Variants in CLDN10 observed in about 807,000 individuals in gnomAD.
The protein encoded by CLDN10 is claudin 10, also known as claudin-10.
Under a neutral mutation model 22.9 loss-of-function variants are expected in CLDN10, and 15 were observed. That is an observed-to-expected ratio of 0.65 (90% CI 0.44 to 1.01). The LOEUF (loss-of-function observed/expected upper bound fraction) is 1.01, where lower values mean the gene tolerates loss of function less well. CLDN10 is among the 50% of genes least tolerant of loss of function. CLDN10 has a pLI of 0.00. For synonymous variants in CLDN10, 114 were observed against 111.4 expected (o/e 1.02, Z -0.15); for missense variants, 247 against 287.8 (o/e 0.86, Z 1.03).
chr13:95,556,039 C>T (rs1388284335), intron 1 of CLDN10, among the ~76,000 whole-genome samples: 1 of 151,812 alleles, frequency 6.6e-6, no homozygotes, highest in African/African-American at 2.4e-5. Context: ...GGTCATTATT[C>T]TGAATTTCTT....
chr13:95,445,723 A>G (rs556792419), intron 1 of CLDN10, among the ~76,000 whole-genome samples: 112 of 152,316 alleles, frequency 7.4e-4, no homozygotes, highest in Non-Finnish European at 1.3e-3. Context: ...AATTGTAGAG[A>G]GTGAGACAGA....
At chr13:95,450,773 C>T (rs1484931397) in intron 1 of CLDN10, among the ~76,000 whole-genome samples, 2 of 152,226 alleles carry the variant, frequency 1.3e-5, no homozygotes, top group Non-Finnish European at 1.5e-5. Flanking sequence ...CTGGGCTCAG[C>T]ATCTAGGCTC....
At chr13:95,439,472 TACAGGCACCCACCAGCAC>T (rs2042304535) in intron 1 of CLDN10, among the ~76,000 whole-genome samples, 1 of 152,112 alleles carries the variant, frequency 6.6e-6, no homozygotes, top group African/African-American at 2.4e-5. Context: ...TAGCGGGGAC[TACAGGCACCCACCAGCAC>T]ACCCAGCTAA....
chr13:95,517,017 TCCTTCCTC>T (rs1215592290), intron 1 of CLDN10, among the ~76,000 whole-genome samples: 2 of 106,218 alleles, frequency 1.9e-5, no homozygotes, highest in Non-Finnish European at 3.8e-5. Flanking sequence ...CTTCCTTCCT[TCCTTCCTC>T]CCTCCCTCTC....
At chr13:95,500,207 TGAAGTGGAGA>T (rs970791208) in intron 1 of CLDN10, among the ~76,000 whole-genome samples, 53 of 152,262 alleles carry the variant, frequency 3.5e-4, no homozygotes, top group African/African-American at 1.2e-3. Flanking sequence ...TCCATTCTAT[TGAAGTGGAGA>T]GACACACTCT....
intron 1 of CLDN10, among the ~76,000 whole-genome samples, chr13:95,533,112 A>G (rs2043363029): frequency 6.6e-6 from 1 of 152,028 alleles, no homozygotes. Context: ...TGTAATTTTT[A>G]CATCAAAAGA....
intron 1 of CLDN10, among the ~76,000 whole-genome samples, chr13:95,450,910 A>T (rs1237408414): frequency 1.3e-5 from 2 of 152,238 alleles, no homozygotes; most frequent in Non-Finnish European, 2.9e-5. Context: ...GGCTCTGTTC[A>T]GCTGCGTTGA....
chr13:95,461,096 A>T (rs2042532643), intron 1 of CLDN10, among the ~76,000 whole-genome samples: 1 of 152,090 alleles, frequency 6.6e-6, no homozygotes, highest in Admixed American at 6.5e-5. Context: ...TGGGTGACAC[A>T]GCGAGACTCT....
intron 1 of CLDN10, among the ~76,000 whole-genome samples, chr13:95,538,635 C>T (rs1336378338): frequency 6.6e-6 from 1 of 152,194 alleles, no homozygotes; most frequent in Non-Finnish European, 1.5e-5. Flanking sequence ...TGGCCAGCTT[C>T]CTCCTTTCCT....
chr13:95,486,427 G>T (rs566506543), intron 1 of CLDN10, among the ~76,000 whole-genome samples: 1 of 151,474 alleles, frequency 6.6e-6, no homozygotes, highest in South Asian at 2.1e-4. Flanking sequence ...GGAGGCTGAG[G>T]CAGGATAATC....
chr13:95,572,624 C>A (rs916534738), intron 3 of CLDN10, among the ~76,000 whole-genome samples: 2 of 152,200 alleles, frequency 1.3e-5, no homozygotes, highest in Non-Finnish European at 2.9e-5. Context: ...TGAACCACAT[C>A]TGAGCGTGTT....
chr13:95,548,255 C>T (rs1387165690), upstream of CLDN10, among the ~76,000 whole-genome samples: 2 of 152,154 alleles, frequency 1.3e-5, no homozygotes, highest in Non-Finnish European at 2.9e-5. Context: ...GAAGGGTATT[C>T]CTGCTGGGGC....
intron 3 of CLDN10, among the ~76,000 whole-genome samples, chr13:95,563,458 C>T (rs2043744931): frequency 6.6e-6 from 1 of 152,122 alleles, no homozygotes; most frequent in Non-Finnish European, 1.5e-5. Context: ...TCATGAAAAA[C>T]AGCAGTGCTT....
chr13:95,492,188 T>C lies in CLDN10; in HGVS notation c.214+58141T>C, dbSNP rs2042879246. ...TTCCAGAAAGCATCAGCTGTAGTCATGTGGAAAGGGACTGGTGGTGGGTGG... is the reference window on the plus strand; with the variant it reads ...TTCCAGAAAGCATCAGCTGTAGTCACGTGGAAAGGGACTGGTGGTGGGTGG... On this transcript the variant is annotated intron_variant, in intron 1 of 4. Transcript: ENST00000376873. 3.3e-5 allele frequency among the ~76,000 whole-genome samples: 5 copies of C among 152,070 alleles called. No individual in the cohort carries two copies. The South Asian group carries it at 1.0e-3, about 32-fold the overall frequency.
chr13:95,548,019 G>A (rs536817766), upstream of CLDN10, among the ~76,000 whole-genome samples: 1 of 152,192 alleles, frequency 6.6e-6, no homozygotes, highest in Non-Finnish European at 1.5e-5. Flanking sequence ...GTTGAAAGTG[G>A]TCTCGGAAGA....
intron 3 of CLDN10, among the ~76,000 whole-genome samples, chr13:95,564,839 T>C (rs2043761493): frequency 6.6e-6 from 1 of 152,194 alleles, no homozygotes; most frequent in African/African-American, 2.4e-5. Context: ...GCACTTTATG[T>C]TCAGTGGCTA....
At chr13:95,559,303 C>T (rs1472354639) in intron 1 of CLDN10, among the ~76,000 whole-genome samples, 1 of 152,090 alleles carries the variant, frequency 6.6e-6, no homozygotes, top group Non-Finnish European at 1.5e-5. Flanking sequence ...TGAAGTTTAC[C>T]GTGTACCCTG....
At chr13:95,501,108 G>A (rs1020203153) in intron 1 of CLDN10, among the ~76,000 whole-genome samples, 2 of 151,944 alleles carry the variant, frequency 1.3e-5, no homozygotes, top group Non-Finnish European at 2.9e-5. Flanking sequence ...CCACCTCCTG[G>A]GTTTAAGCGA....
intron 3 of CLDN10, among the ~76,000 whole-genome samples, chr13:95,575,558 C>T (rs1020994255): frequency 6.7e-6 from 1 of 148,410 alleles, no homozygotes; most frequent in Non-Finnish European, 1.5e-5. Context: ...TTAGCCAGCT[C>T]TTTTTTCACC....
Sources: gnomAD v4.1 joint callset for allele counts (sites outside exome capture counted in the v4.1 genomes callset) on GRCh38, gnomAD v4.1.1 for gene constraint, MANE v1.5 for transcripts, NCBI Gene and HGNC (gene_info 2026-07-23, HGNC 2026-07-21) for gene names.